The following SON variants were observed in gnomAD, a reference collection of about 807,000 sequenced individuals.
The protein encoded by SON is SON DNA and RNA binding protein.
SON carries 4 observed loss-of-function variants against 173.3 expected under a neutral mutation model. The ratio of observed to expected loss-of-function variants is 0.02; its 90% CI spans 0.01 to 0.05. The LOEUF (loss-of-function observed/expected upper bound fraction) is 0.05, where lower values mean the gene tolerates loss of function less well. Among genes scored for constraint, SON ranks in the 10% least tolerant of loss-of-function variants. The pLI is 1.00. For missense variants in SON, 2,626 were observed against 3,055.3 expected (o/e 0.86, Z 3.31); for synonymous variants, 1,190 against 1,105.9 (o/e 1.08, Z -1.51).
chr21:33,548,661 A>T (rs1025281482), intron 2 of SON, among the ~76,000 whole-genome samples: 1 of 152,202 alleles, frequency 6.6e-6, no homozygotes, highest in African/African-American at 2.4e-5. Context: ...TTTGGCCAAG[A>T]CCATTAACCT....
At position 33,555,602 on chromosome 21, in the gene SON, T is replaced by C. The variant is rs139289594; in HGVS notation, c.6160+211T>C. 2.0e-3 allele frequency among the ~76,000 whole-genome samples: 307 copies of C among 152,350 alleles called. 1 individual carries two copies. Among genetic ancestry groups the C allele is most frequent in the African/African-American group, 6.9e-3 (287 of 41,572 alleles). On this transcript the variant is annotated intron_variant, in intron 3 of 11. Coordinates refer to ENST00000356577, the MANE Select transcript of SON (RefSeq NM_138927.4). ...TAAAAAGTCCTGTTTCAGAGTATAATAGAACCAAGGTGTTTCCATATTTGA... is the reference window on the plus strand; with the variant it reads ...TAAAAAGTCCTGTTTCAGAGTATAACAGAACCAAGGTGTTTCCATATTTGA...
At chr21:33,555,508 CTTTAAGTT>C in intron 3 of SON, 117 bp downstream of exon 3, 4 of 996,216 alleles carry the variant, frequency 4.0e-6, no homozygotes, top group Non-Finnish European at 5.5e-6. Flanking sequence ...ATGTTTCTGT[CTTTAAGTT>C]TTTATTATTA....
At position 33,550,462 on chromosome 21, in the gene SON, A is replaced by T; in HGVS notation, c.1231A>T (p.Thr411Ser). The T allele has an allele frequency of 1.2e-6, 2 of 1,613,654 alleles. No individual in the cohort carries two copies. The highest frequency in any genetic ancestry group is 1.7e-6 in the Non-Finnish European group (2 of 1,179,884). The change falls in exon 3 of 12, where the codon ACC becomes TCC. Residue 411 changes from threonine (T) to serine (S), a missense_variant. Around this residue, in one of 13 missense-constraint regions of SON, gnomAD observed 757 missense variants for 730.1 expected, o/e 1.04. Coordinates refer to ENST00000356577, the MANE Select transcript of SON (RefSeq NM_138927.4). ...PVLELPGPSA[T>S]PVPELPGPLS... ...GCTGGAGTTACCTGGGCCCTCTGCT[A>T]CCCCGGTGCCAGAGTTGCCAGGGCC...
intron 7 of SON, among the ~76,000 whole-genome samples, chr21:33,568,571 T>G (rs1015444101): frequency 4.6e-5 from 7 of 152,250 alleles, no homozygotes; most frequent in African/African-American, 7.2e-5. Flanking sequence ...TGTCATGAAT[T>G]TAGTCTGTAT....
At chr21:33,567,394 T>C (rs1193464603) in intron 7 of SON, 127 bp downstream of exon 7, 4 of 631,876 alleles carry the variant, frequency 6.3e-6, no homozygotes, top group Admixed American at 5.4e-5. Context: ...CTTTACCTTA[T>C]TTTCAATGTC....
intron 9 of SON, among the ~76,000 whole-genome samples, chr21:33,573,673 G>C (rs2086336802): frequency 6.6e-6 from 1 of 152,084 alleles, no homozygotes; most frequent in African/African-American, 2.4e-5. Context: ...GGCACCTTTT[G>C]TTATGCTAGT....
In SON at chr21:33,551,959, TCTC is replaced by T. The variant is rs1402018388; in HGVS notation, c.2731_2733del (p.Pro911del). Reference sequence around the variant, plus strand: ...AGATTCTGCTATGTTGGGTTCAAAATCTCCTGATCCCTATAGGTTAGCTCAGGA... The same window carrying T: ...AGATTCTGCTATGTTGGGTTCAAAATCTGATCCCTATAGGTTAGCTCAGGA... On this transcript the variant is annotated inframe_deletion, in exon 3 of 12. Coordinates refer to ENST00000356577, the MANE Select transcript of SON (RefSeq NM_138927.4). The T allele has an allele frequency of 6.2e-7, 1 of 1,614,118 alleles. No individual in the cohort carries two copies. The highest frequency in any genetic ancestry group is 8.5e-7 in the Non-Finnish European group (1 of 1,179,988).
intron 3 of SON, 78 bp downstream of exon 3, chr21:33,555,469 T>C (rs1325431330): frequency 1.5e-6 from 2 of 1,312,210 alleles, no homozygotes; most frequent in African/African-American, 1.5e-5. Flanking sequence ...TTGAGTCAAG[T>C]GAAATACTTA....
In SON at chr21:33,553,967, A is replaced by T; in HGVS notation, c.4736A>T (p.Asp1579Val). 1 of 1,614,154 alleles carries T rather than the reference A, an allele frequency of 6.2e-7. No individual in the cohort carries two copies. The highest frequency in any genetic ancestry group is 8.5e-7 in the Non-Finnish European group (1 of 1,179,992). ...GAGACTAAACAGCGCACAGTATTGGATACCTACCCTGGTGTTAGTGAAGCT... is the reference window on the plus strand; with the variant it reads ...GAGACTAAACAGCGCACAGTATTGGTTACCTACCCTGGTGTTAGTGAAGCT... ...TSETKQRTVL[D>V]TYPGVSEADA... Residue 1579 changes from aspartate (D) to valine (V), a missense_variant, in exon 3 of 12, where the codon GAT becomes GTT. Physicochemically the swap from Asp to Val is radical, Grantham distance 152. Coordinates refer to ENST00000356577, the MANE Select transcript of SON (RefSeq NM_138927.4).
In SON at chr21:33,567,488, G is replaced by A. The variant is rs150681730; in HGVS notation, c.6768+221G>A. The A allele has an allele frequency of 4.2e-3, 2,155 of 514,228 alleles. 5 individuals are homozygous for A. Among genetic ancestry groups the A allele is most frequent in the Middle Eastern group, 0.014 (27 of 1,866 alleles). 31.9% of individuals were successfully genotyped at this position (514,228 alleles called of 1,614,324 possible). On this transcript the variant is annotated intron_variant, in intron 7 of 11. Coordinates refer to ENST00000356577, the MANE Select transcript of SON (RefSeq NM_138927.4). ...TACTATGTGGCAGGAACTGTTTCTT[G>A]AGAGAACAAAATAGAAAAATTTCCC...
chr21:33,543,519 GC>G (rs2085519426), intron 1 of SON: 1 of 259,308 alleles, frequency 3.9e-6, no homozygotes, highest in Non-Finnish European at 7.2e-6. Context: ...CTCCTCCTCC[GC>G]CGCCGCGTAT....
Position 33,549,572 on chromosome 21 carries a change from A to G in SON, c.341A>G (p.His114Arg), listed in dbSNP as rs2085704962. ...PTKKSKKHKK[H>R]KNKKKKKKKE... ...AAAAAGTCAAAGAAGCATAAAAAGC[A>G]CAAAAACAAAAAGAAGAAAAAGAAG... Residue 114 changes from histidine (H) to arginine (R), a missense_variant, in exon 3 of 12, where the codon CAC becomes CGC. Physicochemically the swap from His to Arg is conservative, Grantham distance 29. This residue lies in a region of SON where 757 missense variants were observed against 730.1 expected (regional missense o/e 1.04). Coordinates refer to ENST00000356577, the MANE Select transcript of SON (RefSeq NM_138927.4). The G allele has an allele frequency of 1.3e-6, 2 of 1,590,764 alleles. No homozygotes were observed. The highest frequency in any genetic ancestry group is 1.7e-6 in the Non-Finnish European group (2 of 1,173,262).
At chr21:33,562,372 A>G (rs1428224479) in intron 6 of SON, among the ~76,000 whole-genome samples, 1 of 152,156 alleles carries the variant, frequency 6.6e-6, no homozygotes, top group Non-Finnish European at 1.5e-5. Flanking sequence ...CTGAATAGTA[A>G]TTTTTATCTA....
In SON at chr21:33,553,881, G is replaced by A; in HGVS notation, c.4650G>A (p.Val1550=). 1.2e-6 allele frequency: 2 copies of A among 1,614,062 alleles called. No individual in the cohort carries two copies. The highest frequency in any genetic ancestry group is 1.1e-5 in the South Asian group (1 of 91,082). The part of the protein sequence containing the change: ...LIAKEMEHNT[V]CAAGTSPVGE... Reference sequence around the variant, plus strand: ...CTAAAGAGATGGAACATAATACAGTGTGTGCTGCTGGTACTAGTCCTGTTG... The same window carrying A: ...CTAAAGAGATGGAACATAATACAGTATGTGCTGCTGGTACTAGTCCTGTTG... The change falls in exon 3 of 12, where the codon GTG becomes GTA. Residue 1550 remains valine, a synonymous_variant. Coordinates refer to ENST00000356577, the MANE Select transcript of SON (RefSeq NM_138927.4).
chr21:33,568,930 G>T (rs1374004538), intron 7 of SON, 41 bp from the exon 8 acceptor site: 6 of 1,165,274 alleles, frequency 5.1e-6, no homozygotes, highest in Non-Finnish European at 6.3e-6. Flanking sequence ...TTTTAATCAG[G>T]TAATTTTACT....
rs2085776830 is a variant in SON, at chr21:33,551,289, G to A, written c.2058G>A (p.Thr686=). Residue 686 remains threonine, a synonymous_variant, in exon 3 of 12, where the codon ACG becomes ACA. Coordinates refer to ENST00000356577, the MANE Select transcript of SON (RefSeq NM_138927.4). ...PSTTALESYN[T]VAQELPTTLV... ...CGACAGCGCTGGAATCCTATAATAC[G>A]GTAGCACAGGAGCTGCCTACTACAT... The A allele has an allele frequency of 1.2e-6, 2 of 1,614,114 alleles. No individual in the cohort carries two copies. The highest frequency in any genetic ancestry group is 1.1e-5 in the South Asian group (1 of 91,090).
intron 9 of SON, among the ~76,000 whole-genome samples, chr21:33,574,525 TA>T (rs1352875017): frequency 6.6e-6 from 1 of 152,306 alleles, no homozygotes; most frequent in East Asian, 1.9e-4. Context: ...TCCTGTAACA[TA>T]CAGGATGAGC....
Position 33,554,191 on chromosome 21 carries a change from G to C in SON, c.4960G>C (p.Asp1654His), listed in dbSNP as rs774701401. Reference sequence around the variant, plus strand: ...CAGTCCTAGTGGTGGTAGTGAAGCTGACATTGAAGGGCCTTTGCCTGCTAA... The same window carrying C: ...CAGTCCTAGTGGTGGTAGTGAAGCTCACATTGAAGGGCCTTTGCCTGCTAA... Reference protein sequence around the residue: ...STSPSGGSEADIEGPLPAKDI... With the variant: ...STSPSGGSEAHIEGPLPAKDI... Residue 1654 changes from aspartate to histidine, a missense_variant, in exon 3 of 12, where the codon GAC (aspartate) becomes CAC (histidine). By Grantham distance (81) the Asp-to-His change is moderately conservative. Coordinates refer to ENST00000356577, the MANE Select transcript of SON (RefSeq NM_138927.4). 1 of 1,614,168 alleles carries C rather than the reference G, an allele frequency of 6.2e-7. No homozygotes were observed. Among genetic ancestry groups the C allele is most frequent in the Non-Finnish European group, 8.5e-7 (1 of 1,180,028 alleles).
chr21:33,567,540 G>A (rs1215593251), intron 7 of SON: 5 of 392,842 alleles, frequency 1.3e-5, no homozygotes, highest in Non-Finnish European at 2.4e-5. Flanking sequence ...ACAATCTGGT[G>A]TATAAAAACA....
Sources: gnomAD v4.1 joint callset for allele counts (sites outside exome capture counted in the v4.1 genomes callset) on GRCh38, gnomAD v4.1.1 for gene constraint, gnomAD v4.1.1 regional missense constraint, MANE v1.5 for transcripts, NCBI Gene and HGNC (gene_info 2026-07-23, HGNC 2026-07-21) for gene names.